Variants in MFAP2 observed in about 807,000 individuals in gnomAD.
The protein encoded by MFAP2 is microfibrillar-associated protein 2.
Under a neutral mutation model 30.6 loss-of-function variants are expected in MFAP2, and 23 were observed. The ratio of observed to expected loss-of-function variants is 0.75; its 90% CI spans 0.54 to 1.07. MFAP2 has a LOEUF of 1.07. Among genes scored for constraint, MFAP2 ranks in the 50% least tolerant of loss-of-function variants. MFAP2 has a pLI of 0.00. For synonymous variants in MFAP2, 73 were observed against 85.7 expected, an observed-to-expected ratio of 0.85 and a Z score of 0.82; for missense variants, 198 against 223.8, an observed-to-expected ratio of 0.88 and a Z score of 0.74.
chr1:16,976,340 G>A lies in MFAP2; in HGVS notation c.286+161C>T, dbSNP rs115465875. 20,906 of 877,220 alleles carry A rather than the reference G, an allele frequency of 0.024. 306 individuals carry two copies. Among genetic ancestry groups the A allele is most frequent in the Middle Eastern group, 0.044 (139 of 3,190 alleles). The allele number at this position is 877,220 out of a possible 1,614,324, so 54.3% of individuals were successfully genotyped here. On this transcript the variant is annotated intron_variant, in intron 6 of 8. Coordinates refer to ENST00000375535, the MANE Select transcript of MFAP2 (RefSeq NM_002403.4). The surrounding 1 kb of genome is among the most constrained non-coding windows in gnomAD (Gnocchi z 5.5). ...CAGGTGGGACCTCCTGGAGCTGCCT[G>A]GGGGGCCTGGTGATGCCAGCCTACG...
Position 16,977,161 on chromosome 1 carries a change from C to A in MFAP2, c.75G>T (p.Pro25=). 6.2e-7 allele frequency: 1 copy of A among 1,613,420 alleles called. No individual in the cohort carries two copies. The highest frequency in any genetic ancestry group is 1.6e-4 in the Middle Eastern group (1 of 6,062). The change falls in exon 3 of 9, where the codon CCG becomes CCT. Residue 25 remains proline, a synonymous_variant. Transcript: ENST00000375535. The stretch of plus-strand genomic sequence containing the variant: ...GGACGTGGTCAGGGAACGGCGGCAG[C>A]GGGTCCAGGTCATACTGGCCCTGAG... ...LLAQGQYDLD[P]LPPFPDHVQY... is the part of the protein sequence containing the mutation.
intron 1 of MFAP2, 99 bp downstream of exon 1, chr1:16,980,488 G>C (rs1435937165): frequency 6.6e-6 from 1 of 151,966 alleles, no homozygotes. Flanking sequence ...CCCCAGGATC[G>C]AGGACCCAGA....
intron 2 of MFAP2, 100 bp from the exon 3 acceptor site, chr1:16,977,298 A>G (rs2100584672): frequency 1.9e-6 from 2 of 1,074,622 alleles, no homozygotes; most frequent in Non-Finnish European, 1.4e-6. Flanking sequence ...GGTCAGGCCC[A>G]TAAGAGCCTA....
chr1:16,980,267 A>ACCCCCCC (rs60000302), intron 1 of MFAP2, among the ~76,000 whole-genome samples: 1 of 80,298 alleles, frequency 1.2e-5, no homozygotes, highest in African/African-American at 6.7e-5. Flanking sequence ...TTCCCACCGG[A>ACCCCCCC]CCCCCCCCCC....
intron 1 of MFAP2, among the ~76,000 whole-genome samples, chr1:16,979,662 C>T (rs1310625672): frequency 6.6e-6 from 1 of 152,242 alleles, no homozygotes; most frequent in Admixed American, 6.5e-5. Context: ...CTTCCTTGCC[C>T]TTCTCCCCAT....
Position 16,975,282 on chromosome 1 carries a change from C to G in MFAP2, c.435G>C (p.Glu145Asp). ...EICVRTVCAHEELLRADLCRD... is the reference protein window; with the variant it reads ...EICVRTVCAHDELLRADLCRD... ...TGGCCTTCCTACCTCGGAGGAGCTC[C>G]TCATGGGCACACACTGTACGAACAC... The change falls in exon 8 of 9, where the codon GAG becomes GAC. Residue 145 changes from glutamate to aspartate, a missense_variant. Transcript: ENST00000375535. This position sits in a 1 kb window ranked among gnomAD's most constrained non-coding sequence, Gnocchi z 5.0. 1 of 1,613,754 alleles carries G rather than the reference C, an allele frequency of 6.2e-7. No homozygotes were observed. The highest frequency in any genetic ancestry group is 1.7e-5 in the Admixed American group (1 of 59,974).
chr1:16,980,267 A>ACCCCCCCCCCCCCCCCCCCCCCCCCCCC, intron 1 of MFAP2, among the ~76,000 whole-genome samples: 1 of 80,298 alleles, frequency 1.2e-5, no homozygotes, highest in Admixed American at 1.2e-4. Context: ...TTCCCACCGG[A>ACCCCCCCCCCCCCCCCCCCCCCCCCCCC]CCCCCCCCCC....
Position 16,977,176 on chromosome 1 carries a change from C to G in MFAP2, c.60G>C (p.Gln20His), listed in dbSNP as rs1441170657. The change falls in exon 3 of 9, where the codon CAG becomes CAC. Residue 20 changes from glutamine (Q) to histidine (H), a missense_variant. By Grantham distance (24) the Gln-to-His change is conservative (BLOSUM62 0). Coordinates refer to ENST00000375535, the MANE Select transcript of MFAP2 (RefSeq NM_002403.4). ...ACGGCGGCAGCGGGTCCAGGTCATA[C>G]TGGCCCTGAGCCAGCAAGCCTGCTG... ...FLPAGLLAQG[Q>H]YDLDPLPPFP... 2 of 1,613,354 alleles carry G rather than the reference C, an allele frequency of 1.2e-6. No homozygotes were observed. The highest frequency in any genetic ancestry group is 1.7e-6 in the Non-Finnish European group (2 of 1,179,946).
chr1:16,980,361 A>G (rs1285514915), intron 1 of MFAP2, among the ~76,000 whole-genome samples: 1 of 143,000 alleles, frequency 7.0e-6, no homozygotes, highest in Non-Finnish European at 1.5e-5. Context: ...GCTCCCCCCA[A>G]ACTCGGGCTC....
chr1:16,980,266 G>GGGCCC (rs1557656617), intron 1 of MFAP2, among the ~76,000 whole-genome samples: 2 of 66,632 alleles, frequency 3.0e-5, no homozygotes, highest in Admixed American at 1.3e-4. Context: ...ATTCCCACCG[G>GGGCCC]ACCCCCCCCC....
intron 1 of MFAP2, 63 bp downstream of exon 1, chr1:16,980,524 C>T (rs2076629954): frequency 6.6e-6 from 1 of 152,088 alleles, no homozygotes; most frequent in Non-Finnish European, 1.5e-5. Flanking sequence ...GCCCCCGCGC[C>T]GGGGGACCCG....
At chr1:16,979,495 C>G (rs1031669619) in intron 1 of MFAP2, among the ~76,000 whole-genome samples, 15 of 152,212 alleles carry the variant, frequency 9.9e-5, no homozygotes, top group African/African-American at 3.6e-4. Flanking sequence ...CCCCTGGCTC[C>G]TCTCATGCAT....
Position 16,976,461 on chromosome 1 carries a change from G to C in MFAP2, c.286+40C>G. ...ACCCCCTACTCCACCCCAACTTCAGGGCGTGCCTCCATTTTTCCAGCTGTC... is the reference window on the plus strand; with the variant it reads ...ACCCCCTACTCCACCCCAACTTCAGCGCGTGCCTCCATTTTTCCAGCTGTC... On this transcript the variant is annotated intron_variant, in intron 6 of 8. Transcript: ENST00000375535. This position sits in a 1 kb window ranked among gnomAD's most constrained non-coding sequence, Gnocchi z 5.5. 6.2e-7 allele frequency: 1 copy of C among 1,613,772 alleles called. No homozygotes were observed. The highest frequency in any genetic ancestry group is 1.1e-5 in the South Asian group (1 of 91,072).
chr1:16,977,873 G>A (rs1230260801), intron 2 of MFAP2: 5 of 265,938 alleles, frequency 1.9e-5, no homozygotes, highest in Non-Finnish European at 1.5e-5. Context: ...GAGCAGAAGG[G>A]CCCTGAATGG....
intron 2 of MFAP2, chr1:16,977,412 T>A: frequency 1.8e-6 from 1 of 559,694 alleles, no homozygotes; most frequent in East Asian, 3.0e-5. Flanking sequence ...CCCTGCCCCT[T>A]CCTGTTGCTG....
Position 16,975,161 on chromosome 1 carries a change from G to A in MFAP2, c.448+108C>T. On this transcript the variant is annotated intron_variant, in intron 8 of 8. Coordinates refer to ENST00000375535, the MANE Select transcript of MFAP2 (RefSeq NM_002403.4). The surrounding 1 kb of genome is among the most constrained non-coding windows in gnomAD (Gnocchi z 5.0). ...GGGAGCTCAGGGTGTCCTGGAAGTG[G>A]GCCTGGTGGATAATATGTGTTGAAT... 1.6e-6 allele frequency: 2 copies of A among 1,282,530 alleles called. No individual in the cohort carries two copies. Among genetic ancestry groups the A allele is most frequent in the Non-Finnish European group, 2.2e-6 (2 of 900,562 alleles). The allele number at this position is 1,282,530 out of a possible 1,614,324, so 79.4% of individuals were successfully genotyped here.
At chr1:16,979,795 G>GC (rs1472276188) in intron 1 of MFAP2, among the ~76,000 whole-genome samples, 4 of 152,212 alleles carry the variant, frequency 2.6e-5, no homozygotes, top group African/African-American at 9.6e-5. Context: ...CCTAGGACTG[G>GC]CCCCCGAACC....
At chr1:16,977,961 C>T (rs2076606706) in intron 2 of MFAP2, 4 of 409,362 alleles carry the variant, frequency 9.8e-6, no homozygotes, top group East Asian at 4.7e-5. Context: ...AGGCCTTGTG[C>T]CTTGTGCCCA....
At position 16,975,657 on chromosome 1, in the gene MFAP2, C is replaced by T. The variant is rs372175004; in HGVS notation, c.360G>A (p.Glu120=). The T allele has an allele frequency of 3.7e-6, 6 of 1,613,950 alleles. No homozygotes were observed. In the African/African-American group the frequency reaches 6.7e-5, roughly 18 times the overall value. ...IHRPCKQCLN[E]VCFYSLRRVY... is the part of the protein sequence containing the mutation. ...TCTGTGCTCACCTGTAGAAGCAGACCTCGTTGAGACACTGTTTGCAAGGCC... is the reference window on the plus strand; with the variant it reads ...TCTGTGCTCACCTGTAGAAGCAGACTTCGTTGAGACACTGTTTGCAAGGCC... The change falls in exon 7 of 9, where the codon GAG becomes GAA. Residue 120 remains glutamate (E), a synonymous_variant. Coordinates refer to ENST00000375535, the MANE Select transcript of MFAP2 (RefSeq NM_002403.4). This position sits in a 1 kb window ranked among gnomAD's most constrained non-coding sequence, Gnocchi z 5.0.
Sources: allele counts gnomAD v4.1 joint callset (sites outside exome capture counted in the v4.1 genomes callset), GRCh38; gene constraint gnomAD v4.1.1; non-coding constraint Gnocchi (gnomAD v3.1); transcripts MANE v1.5; gene names NCBI Gene and HGNC (gene_info 2026-07-23, HGNC 2026-07-21).